PLA2G4B: variants seen among roughly 807,000 people sequenced by gnomAD.
PLA2G4B encodes cytosolic phospholipase A2 beta.
In PLA2G4B, 122 loss-of-function variants were observed where a neutral mutation model predicts 95.8. The ratio of observed to expected loss-of-function variants is 1.27; its 90% CI spans 1.10 to 1.48. PLA2G4B has a LOEUF of 1.48. Among genes scored for constraint, PLA2G4B ranks in the 40% most tolerant of loss-of-function variants. The pLI, the probability that PLA2G4B is intolerant of heterozygous loss-of-function variation, is 0.00. For synonymous variants in PLA2G4B, 518 were observed against 421.5 expected (o/e 1.23, Z -2.80); for missense variants, 1,158 against 996.2 (o/e 1.16, Z -2.19).
intron 1 of PLA2G4B, chr15:41,839,255 A>G (rs1220759848): frequency 4.0e-6 from 1 of 246,952 alleles, no homozygotes; most frequent in Non-Finnish European, 7.9e-6. Context: ...AGTTGCCTGG[A>G]GTGTGAGGGC....
Position 41,840,237 on chromosome 15 carries a change from G to T in PLA2G4B, c.82+7G>T. On this transcript the variant is annotated splice_region_variant and intron_variant, in intron 2 of 19. Coordinates refer to ENST00000458483, the MANE Select transcript of PLA2G4B (RefSeq NM_001114633.2). ...CTACCCTCTAAGGACCTAGGTGAGT[G>T]CGCACCGCCCTGGCCCCTGTGCTGG... The T allele has an allele frequency of 1.2e-6, 2 of 1,612,716 alleles. No homozygotes were observed. Among genetic ancestry groups the T allele is most frequent in the Non-Finnish European group, 1.7e-6 (2 of 1,179,996 alleles).
chr15:41,839,858 A>T, intron 1 of PLA2G4B: 1 of 348,512 alleles, frequency 2.9e-6, no homozygotes, highest in Admixed American at 4.5e-5. Context: ...TCTGTGCCTC[A>T]GTTTCCTTGT....
chr15:41,840,109 C>A (rs1352058845), intron 1 of PLA2G4B, 49 bp from the exon 2 acceptor site: 2 of 1,600,858 alleles, frequency 1.2e-6, no homozygotes, highest in South Asian at 2.2e-5. Flanking sequence ...CCCCTGTCAC[C>A]CTTGGCTTCA....
At chr15:41,845,580 G>C (rs559862870) in intron 14 of PLA2G4B, 58 bp from the exon 15 acceptor site, 7 of 1,604,648 alleles carry the variant, frequency 4.4e-6, no homozygotes, top group Non-Finnish European at 6.0e-6. Context: ...GGGTCGGGGT[G>C]GGGGTGTGGG....
At chr15:41,841,341 G>GT in intron 6 of PLA2G4B, 68 bp downstream of exon 6, 1 of 1,611,230 alleles carries the variant, frequency 6.2e-7, no homozygotes, top group Non-Finnish European at 8.5e-7. Flanking sequence ...GCGACTTGAG[G>GT]TACAGGCCCA....
Position 41,841,100 on chromosome 15 carries a change from G to A in PLA2G4B, c.392+5G>A. On this transcript the variant is annotated splice_donor_5th_base_variant and intron_variant, in intron 5 of 19. Coordinates refer to ENST00000458483, the MANE Select transcript of PLA2G4B (RefSeq NM_001114633.2). ...TGAATTTCGCCTGCAGAGTCTGTGA[G>A]TCAGGGGCCTGGGGCAGTTTGGGTG... is the stretch of plus-strand genomic sequence containing the variant. The A allele has an allele frequency of 6.2e-7, 1 of 1,602,024 alleles. No homozygotes were observed. Among genetic ancestry groups the A allele is most frequent in the Non-Finnish European group, 8.5e-7 (1 of 1,171,386 alleles).
chr15:41,839,070 C>G (rs2140886300), intron 1 of PLA2G4B, 148 bp downstream of exon 1: 2 of 597,488 alleles, frequency 3.3e-6, no homozygotes, highest in South Asian at 2.3e-5. Flanking sequence ...CGGGCAGAAG[C>G]CAGGGGAGGA....
In PLA2G4B at chr15:41,844,453, G is replaced by A. The variant is rs2065494089; in HGVS notation, c.880-18G>A. The A allele has an allele frequency of 6.2e-7, 1 of 1,613,976 alleles. No individual in the cohort carries two copies. Among genetic ancestry groups the A allele is most frequent in the Non-Finnish European group, 8.5e-7 (1 of 1,180,006 alleles). On this transcript the variant is annotated intron_variant, in intron 11 of 19. Coordinates refer to ENST00000458483, the MANE Select transcript of PLA2G4B (RefSeq NM_001114633.2). ...CCATCCCTAGGGCCTCTACAGGCCT[G>A]GCTCTCTTCTTTTCCAGATCCCAGT...
chr15:41,847,404 CCGAAGAGCAGCTCCAGCCT>C lies in PLA2G4B; in HGVS notation c.2018_2036del (p.Glu673GlyfsTer47). On this transcript the variant is annotated frameshift_variant, in exon 19 of 20. Coordinates refer to ENST00000458483, the MANE Select transcript of PLA2G4B (RefSeq NM_001114633.2). LOFTEE classifies it high-confidence loss of function. The stretch of plus-strand genomic sequence containing the variant: ...CCGTTCCCACCCATCTCGCCCAGCC[CCGAAGAGCAGCTCCAGCCT>C]CGGGAGTGCCACACCTTCTCCGACC... 2 of 1,613,082 alleles carry C rather than the reference CCGAAGAGCAGCTCCAGCCT, an allele frequency of 1.2e-6. No homozygotes were observed. The highest frequency in any genetic ancestry group is 1.7e-6 in the Non-Finnish European group (2 of 1,179,894).
rs2065556152 is a variant in PLA2G4B at position 41,846,701 on chromosome 15, A to C, written c.1813A>C (p.Thr605Pro). 4 of 1,613,244 alleles carry C rather than the reference A, an allele frequency of 2.5e-6. No individual in the cohort carries two copies. The highest frequency in any genetic ancestry group is 2.5e-6 in the Non-Finnish European group (3 of 1,179,492). Residue 605 changes from threonine (T) to proline (P), a missense_variant, in exon 18 of 20, where the codon ACA (threonine) becomes CCA (proline). Thr to Pro is a conservative substitution (Grantham distance 38). Coordinates refer to ENST00000458483, the MANE Select transcript of PLA2G4B (RefSeq NM_001114633.2). ...TTLDGLPNQL[T>P]PSEPHLCLLD... ...TCTGGATGGGCTCCCCAACCAGCTG[A>C]CACCCTCGGAGCCCCACCTGTGCCT...
chr15:41,847,424 C>A lies in PLA2G4B; in HGVS notation c.2035C>A (p.Arg679=), dbSNP rs186646967. The change falls in exon 19 of 20, where the codon CGG becomes AGG. Residue 679 remains arginine, a synonymous_variant. Transcript: ENST00000458483. The part of the protein sequence containing the change: ...SPSPEEQLQP[R]ECHTFSDPTC... ...CAGCCCCGAAGAGCAGCTCCAGCCT[C>A]GGGAGTGCCACACCTTCTCCGACCC... 1 of 1,613,448 alleles carries A rather than the reference C, an allele frequency of 6.2e-7. No individual in the cohort carries two copies. Among genetic ancestry groups the A allele is most frequent in the Non-Finnish European group, 8.5e-7 (1 of 1,179,934 alleles).
At position 41,844,456 on chromosome 15, in the gene PLA2G4B, T is replaced by C; in HGVS notation, c.880-15T>C. 1 of 1,613,938 alleles carries C rather than the reference T, an allele frequency of 6.2e-7. No homozygotes were observed. Among genetic ancestry groups the C allele is most frequent in the South Asian group, 1.1e-5 (1 of 91,082 alleles). Reference sequence around the variant, plus strand: ...TCCCTAGGGCCTCTACAGGCCTGGCTCTCTTCTTTTCCAGATCCCAGTGGT... The same window carrying C: ...TCCCTAGGGCCTCTACAGGCCTGGCCCTCTTCTTTTCCAGATCCCAGTGGT... On this transcript the variant is annotated splice_polypyrimidine_tract_variant and intron_variant, in intron 11 of 19. Coordinates refer to ENST00000458483, the MANE Select transcript of PLA2G4B (RefSeq NM_001114633.2).
rs759865655 is a variant in PLA2G4B at position 41,846,267 on chromosome 15, G to GTT, written c.1669_1670dup (p.Thr558SerfsTer5). 1.1e-5 allele frequency: 17 copies of GTT among 1,613,994 alleles called. No individual in the cohort carries two copies. The highest frequency in any genetic ancestry group is 1.7e-5 in the Admixed American group (1 of 60,004). On this transcript the variant is annotated frameshift_variant, in exon 17 of 20. Transcript: ENST00000458483. LOFTEE classifies it high-confidence loss of function. ...CCTCAACAGCCGGCAGGATAGCTGA[G>GTT]TTTTTCACCGATCTTCTGACGTGGC...
At chr15:41,846,415 C>T in intron 17 of PLA2G4B, 33 bp downstream of exon 17, 8 of 1,584,184 alleles carry the variant, frequency 5.0e-6, no homozygotes, top group Non-Finnish European at 6.0e-6. Flanking sequence ...CTCCTGTGGC[C>T]ACCTGAGCCT....
In PLA2G4B at chr15:41,840,886, GCTT is replaced by G. The variant is rs1475758600; in HGVS notation, c.335_337del (p.Phe112del). 1 of 1,613,522 alleles carries G rather than the reference GCTT, an allele frequency of 6.2e-7. No individual in the cohort carries two copies. Among genetic ancestry groups the G allele is most frequent in the Non-Finnish European group, 8.5e-7 (1 of 1,179,570 alleles). ...CGGGCTGGGGAGTTCCGGCGCGAGA[GCTT>G]CTCACTGAGCCCTCAGGCAAGGCGG... is the stretch of plus-strand genomic sequence containing the variant. On this transcript the variant is annotated inframe_deletion, in exon 4 of 20. Coordinates refer to ENST00000458483, the MANE Select transcript of PLA2G4B (RefSeq NM_001114633.2).
chr15:41,847,480 C>G lies in PLA2G4B; in HGVS notation c.2091C>G (p.His697Gln), dbSNP rs201729622. Residue 697 changes from histidine (H) to glutamine (Q), a missense_variant, in exon 19 of 20, where the codon CAC becomes CAG. By Grantham distance (24) the His-to-Gln change is conservative. Coordinates refer to ENST00000458483, the MANE Select transcript of PLA2G4B (RefSeq NM_001114633.2). ...GCCCCGGAGCCCCTGCGGTGCTGCACTTTCCTCTGGTCAGCGACTCCTTCC... is the reference window on the plus strand; with the variant it reads ...GCCCCGGAGCCCCTGCGGTGCTGCAGTTTCCTCTGGTCAGCGACTCCTTCC... ...PTCPGAPAVL[H>Q]FPLVSDSFRE... 1.9e-6 allele frequency: 3 copies of G among 1,611,978 alleles called. No individual in the cohort carries two copies. Among genetic ancestry groups the G allele is most frequent in the Non-Finnish European group, 2.5e-6 (3 of 1,178,718 alleles).
chr15:41,846,628 C>T (rs1260749147), intron 17 of PLA2G4B, 41 bp from the exon 18 acceptor site: 5 of 1,569,224 alleles, frequency 3.2e-6, no homozygotes, highest in African/African-American at 1.3e-5. Context: ...ATCTGGTACC[C>T]TTGGTATCTG....
In PLA2G4B at chr15:41,846,899, G is replaced by C. The variant is rs1344534971; in HGVS notation, c.1947+64G>C. ...TGGCCCCTGTCCCCTGAAGAGAGGG[G>C]CTTTGGAGTCCAGTGTCTGGTTCAG... On this transcript the variant is annotated intron_variant, in intron 18 of 19. Transcript: ENST00000458483. 3.3e-6 allele frequency: 5 copies of C among 1,507,702 alleles called. No individual in the cohort carries two copies. The Admixed American group carries it at 1.0e-4, about 31-fold the overall frequency. 93.4% of individuals were successfully genotyped at this position (1,507,702 alleles called of 1,614,324 possible).
chr15:41,845,176 G>A (rs1007107359), intron 13 of PLA2G4B, 27 bp from the exon 14 acceptor site: 2 of 1,613,966 alleles, frequency 1.2e-6, no homozygotes, highest in Non-Finnish European at 1.7e-6. Context: ...GCCGCTGTGG[G>A]TTTAGGTTCT....
Sources: allele counts gnomAD v4.1 joint callset, GRCh38; gene constraint gnomAD v4.1.1; transcripts MANE v1.5; gene names NCBI Gene and HGNC (gene_info 2026-07-23, HGNC 2026-07-21).